Variants in PHYHIPL observed in about 807,000 individuals in gnomAD.
PHYHIPL encodes the protein phytanoyl-CoA 2-hydroxylase interacting protein like.
Under a neutral mutation model 33.4 loss-of-function variants are expected in PHYHIPL, and 9 were observed. That is an observed-to-expected ratio of 0.27 (90% CI 0.16 to 0.47). The LOEUF (loss-of-function observed/expected upper bound fraction) is 0.47, where lower values mean the gene tolerates loss of function less well. Among genes scored for constraint, PHYHIPL ranks in the 20% least tolerant of loss-of-function variants. PHYHIPL has a pLI of 0.99. For missense variants in PHYHIPL, 365 were observed against 460.7 expected (o/e 0.79, Z 1.90); for synonymous variants, 153 against 154.1 (o/e 0.99, Z 0.05).
chr10:59,216,885 G>A (rs757879260), intron 1 of PHYHIPL, among the ~76,000 whole-genome samples: 21 of 152,086 alleles, frequency 1.4e-4, no homozygotes, highest in Non-Finnish European at 1.9e-4. Flanking sequence ...GCTTGAAAGC[G>A]CAAACTATAG....
intron 1 of PHYHIPL, among the ~76,000 whole-genome samples, chr10:59,188,477 T>G (rs538219843): frequency 1.3e-5 from 2 of 152,196 alleles, no homozygotes; most frequent in African/African-American, 2.4e-5. Context: ...AGATGTCTAT[T>G]AGGTCCGCTT....
chr10:59,234,572 C>T (rs749831842), intron 2 of PHYHIPL, 72 bp downstream of exon 2: 155 of 1,085,596 alleles, frequency 1.4e-4, no homozygotes, highest in Non-Finnish European at 1.7e-4. Flanking sequence ...TTTAAAAGAA[C>T]GAATAATATT....
At chr10:59,195,468 G>A (rs531705887) in intron 1 of PHYHIPL, among the ~76,000 whole-genome samples, 1 of 152,296 alleles carries the variant, frequency 6.6e-6, no homozygotes, top group East Asian at 1.9e-4. Context: ...AAACGCGTAT[G>A]ATTTCATGGT....
At chr10:59,208,648 T>C (rs2133233567) in intron 1 of PHYHIPL, among the ~76,000 whole-genome samples, 1 of 152,146 alleles carries the variant, frequency 6.6e-6, no homozygotes, top group East Asian at 1.9e-4. Context: ...GAGCGTGTTC[T>C]AATCCAATGC....
intron 4 of PHYHIPL, among the ~76,000 whole-genome samples, chr10:59,242,955 A>AAAAGAC (rs1224820360): frequency 6.6e-6 from 1 of 152,204 alleles, no homozygotes; most frequent in African/African-American, 2.4e-5. Context: ...GTCAAGAAGG[A>AAAAGAC]AAAGACAAAG....
chr10:59,216,095 G>A (rs1839606416), intron 1 of PHYHIPL, among the ~76,000 whole-genome samples: 1 of 152,048 alleles, frequency 6.6e-6, no homozygotes, highest in South Asian at 2.1e-4. Context: ...AAAATTGGAA[G>A]TTGTCAGCAA....
At chr10:59,191,126 C>T (rs913654954) in intron 1 of PHYHIPL, among the ~76,000 whole-genome samples, 11 of 151,750 alleles carry the variant, frequency 7.2e-5, no homozygotes, top group African/African-American at 2.7e-4. Flanking sequence ...ACATTTTCTT[C>T]TCCATTGTGT....
chr10:59,179,305 C>G (rs189809975), intron 1 of PHYHIPL, among the ~76,000 whole-genome samples: 150 of 152,254 alleles, frequency 9.9e-4, no homozygotes, highest in Non-Finnish European at 1.8e-3. Context: ...TCTTTCCACT[C>G]AAGTCTCGTT....
chr10:59,185,975 T>C (rs1470487862), intron 1 of PHYHIPL, among the ~76,000 whole-genome samples: 7 of 152,344 alleles, frequency 4.6e-5, no homozygotes, highest in African/African-American at 1.2e-4. Context: ...TTTAATTAGA[T>C]ACTATTTGTC....
chr10:59,202,828 T>C (rs1458774642), intron 1 of PHYHIPL, among the ~76,000 whole-genome samples: 1 of 152,168 alleles, frequency 6.6e-6, no homozygotes. Flanking sequence ...TTAACTAATA[T>C]CATTCTACAA....
intron 1 of PHYHIPL, among the ~76,000 whole-genome samples, chr10:59,216,537 C>A (rs1315466196): frequency 6.6e-6 from 1 of 152,032 alleles, no homozygotes. Context: ...ATCAATGTGA[C>A]CTTCTTACTT....
chr10:59,196,980 A>C (rs912441697), intron 1 of PHYHIPL, among the ~76,000 whole-genome samples: 5 of 152,210 alleles, frequency 3.3e-5, no homozygotes, highest in African/African-American at 1.2e-4. Context: ...GGAGGTAAAC[A>C]GTTCAAGATA....
intron 1 of PHYHIPL, among the ~76,000 whole-genome samples, chr10:59,184,581 C>A (rs1838511978): frequency 6.6e-6 from 1 of 151,432 alleles, no homozygotes; most frequent in Admixed American, 6.6e-5. Flanking sequence ...GATGGGTGGT[C>A]CCCTATACCA....
chr10:59,216,353 G>T (rs1416904888), intron 1 of PHYHIPL, among the ~76,000 whole-genome samples: 1 of 152,036 alleles, frequency 6.6e-6, no homozygotes, highest in Non-Finnish European at 1.5e-5. Flanking sequence ...CAGGAAAGAG[G>T]TTATTGATCT....
In PHYHIPL at chr10:59,199,763, G is replaced by A. The variant is rs12259619; in HGVS notation, c.106+22804G>A. Among the ~76,000 whole-genome samples, 512 of 152,214 alleles carry A rather than the reference G, an allele frequency of 3.4e-3. 1 individual carries two copies. Among genetic ancestry groups the A allele is most frequent in the African/African-American group, 0.011 (477 of 41,524 alleles). On this transcript the variant is annotated intron_variant, in intron 1 of 4. Transcript: ENST00000373880. ...GTGGTTTGTAGTTCTCCTTGAAGAG[G>A]TCCTTCACATCCCTTGTAAGTTGGA...
At chr10:59,193,016 G>C (rs1838820947) in intron 1 of PHYHIPL, among the ~76,000 whole-genome samples, 1 of 152,056 alleles carries the variant, frequency 6.6e-6, no homozygotes, top group African/African-American at 2.4e-5. Context: ...AGTACTCTCT[G>C]AGTTATTTTC....
At chr10:59,195,285 A>G (rs527896187) in intron 1 of PHYHIPL, among the ~76,000 whole-genome samples, 6 of 152,250 alleles carry the variant, frequency 3.9e-5, no homozygotes, top group Admixed American at 6.5e-5. Context: ...CTGAGGCCAC[A>G]TAACAAAAGA....
intron 4 of PHYHIPL, among the ~76,000 whole-genome samples, chr10:59,242,289 A>ACT (rs974162805): frequency 3.3e-5 from 5 of 151,972 alleles, no homozygotes; most frequent in African/African-American, 1.2e-4. Flanking sequence ...GGGAGCCTAA[A>ACT]CTCCTACCTC....
At chr10:59,174,813 C>T (rs1838223249), upstream of PHYHIPL, among the ~76,000 whole-genome samples, 1 of 152,226 alleles carries the variant, frequency 6.6e-6, no homozygotes, top group African/African-American at 2.4e-5. Context: ...AGCTCCCATA[C>T]TTCCTCTTTC....
Sources: gnomAD v4.1 joint callset for allele counts (sites outside exome capture counted in the v4.1 genomes callset) on GRCh38, gnomAD v4.1.1 for gene constraint, MANE v1.5 for transcripts, NCBI Gene and HGNC (gene_info 2026-07-23, HGNC 2026-07-21) for gene names.